MEI4: variants seen among roughly 807,000 people sequenced by gnomAD.
MEI4 encodes meiotic double-stranded break formation protein 4, also known as meiosis-specific protein MEI4.
Under a neutral mutation model 31.4 loss-of-function variants are expected in MEI4, and 27 were observed. The ratio of observed to expected loss-of-function variants is 0.86; its 90% confidence interval spans 0.63 to 1.19. MEI4 has a LOEUF of 1.19. Ranked by LOEUF, MEI4 falls within the 50% of genes most tolerant of loss-of-function variation. MEI4 has a pLI of 0.00. For synonymous variants in MEI4, 122 were observed against 145.4 expected, an observed-to-expected ratio of 0.84 and a Z score of 1.16; for missense variants, 329 against 398.9, an observed-to-expected ratio of 0.82 and a Z score of 1.49.
At chr6:77,842,752 ATCATTGCAGGTG>A (rs1241358114) in intron 4 of MEI4, among the ~76,000 whole-genome samples, 4 of 152,080 alleles carry the variant, frequency 2.6e-5, no homozygotes, top group African/African-American at 9.7e-5. Context: ...GGAAGTGGAC[ATCATTGCAGGTG>A]TTAAGAGGAT....
At chr6:77,912,387 G>A (rs888103164) in intron 4 of MEI4, among the ~76,000 whole-genome samples, 1 of 151,942 alleles carries the variant, frequency 6.6e-6, no homozygotes, top group Non-Finnish European at 1.5e-5. Context: ...AAAAAGGATT[G>A]TATTGAATCT....
At chr6:77,823,020 A>G (rs1207198543) in intron 3 of MEI4, among the ~76,000 whole-genome samples, 2 of 152,264 alleles carry the variant, frequency 1.3e-5, no homozygotes, top group Non-Finnish European at 2.9e-5. Context: ...ATGACATTCA[A>G]TATTTGCTGT....
At chr6:77,916,571 T>C (rs990399116) in intron 4 of MEI4, among the ~76,000 whole-genome samples, 3 of 152,092 alleles carry the variant, frequency 2.0e-5, no homozygotes, top group Non-Finnish European at 4.4e-5. Context: ...ATTTCCTCCA[T>C]GGCTTTACCT....
intron 3 of MEI4, among the ~76,000 whole-genome samples, chr6:77,765,329 G>A (rs1582118166): frequency 6.6e-6 from 1 of 151,328 alleles, no homozygotes; most frequent in East Asian, 1.9e-4. Context: ...TTTTTGAATT[G>A]AAAATAAGAT....
chr6:77,919,641 C>T (rs1218654810), intron 4 of MEI4, among the ~76,000 whole-genome samples: 2 of 150,516 alleles, frequency 1.3e-5, no homozygotes, highest in Admixed American at 6.6e-5. Context: ...CAAGAAATAA[C>T]TAAAATCAGA....
intron 4 of MEI4, among the ~76,000 whole-genome samples, chr6:77,854,836 T>C (rs1343731651): frequency 1.3e-5 from 2 of 152,108 alleles, no homozygotes; most frequent in African/African-American, 4.8e-5. Flanking sequence ...TAGGTATCAT[T>C]TCCTCTGTTT....
chr6:77,771,504 A>G (rs1768318241), intron 3 of MEI4, among the ~76,000 whole-genome samples: 1 of 152,176 alleles, frequency 6.6e-6, no homozygotes, highest in African/African-American at 2.4e-5. Context: ...TCATTGTAGC[A>G]CTATTCACAG....
At chr6:77,832,073 C>T (rs1240604428) in intron 4 of MEI4, among the ~76,000 whole-genome samples, 2 of 151,930 alleles carry the variant, frequency 1.3e-5, no homozygotes, top group East Asian at 3.9e-4. Flanking sequence ...AAAAATGCAT[C>T]AAAATATCCA....
Position 77,907,140 on chromosome 6 carries a change from A to C in MEI4, c.901-15949A>C, listed in dbSNP as rs1445291715. On this transcript the variant is annotated intron_variant, in intron 4 of 4. Transcript: ENST00000684080. ...ATGGGAGAATATTGAATTACTAGCC[A>C]TTTTTTTTAAATATACTTTGAGTTT... is the stretch of plus-strand genomic sequence containing the variant. Among the ~76,000 whole-genome samples, 3 of 151,584 alleles carry C rather than the reference A, an allele frequency of 2.0e-5. No homozygotes were observed. In the East Asian group the frequency reaches 5.8e-4, roughly 29 times the overall value.
intron 2 of MEI4, among the ~76,000 whole-genome samples, chr6:77,698,909 C>A (rs1324532719): frequency 1.3e-5 from 2 of 152,176 alleles, no homozygotes; most frequent in African/African-American, 4.8e-5. Flanking sequence ...GTACACCAAT[C>A]AGACGTAGAT....
At chr6:77,706,589 A>G (rs1043313838) in intron 2 of MEI4, among the ~76,000 whole-genome samples, 1 of 152,146 alleles carries the variant, frequency 6.6e-6, no homozygotes, top group Non-Finnish European at 1.5e-5. Flanking sequence ...ATGTTTTGTC[A>G]CCTTCAAATC....
intron 4 of MEI4, among the ~76,000 whole-genome samples, chr6:77,895,159 T>A (rs1472854320): frequency 1.3e-5 from 2 of 152,140 alleles, no homozygotes; most frequent in Non-Finnish European, 2.9e-5. Context: ...CTTTCAGAGA[T>A]GTAAGTATAA....
intron 2 of MEI4, among the ~76,000 whole-genome samples, chr6:77,713,283 CAAAT>C (rs1561954988): frequency 6.6e-6 from 1 of 152,148 alleles, no homozygotes; most frequent in Non-Finnish European, 1.5e-5. Flanking sequence ...ACATAGGCAA[CAAAT>C]AAATACTAGC....
intron 1 of MEI4, among the ~76,000 whole-genome samples, chr6:77,685,298 G>C (rs932062889): frequency 6.7e-6 from 1 of 150,100 alleles, no homozygotes; most frequent in African/African-American, 2.4e-5. Context: ...TCCATTCTCT[G>C]GGTTGTCCCT....
At chr6:77,658,904 T>C (rs1418775176) in intron 1 of MEI4, among the ~76,000 whole-genome samples, 38 of 152,178 alleles carry the variant, frequency 2.5e-4, no homozygotes, top group Admixed American at 2.5e-3. Context: ...TTTTTTATGT[T>C]GTCATACACC....
chr6:77,680,211 G>A (rs1409467993), intron 1 of MEI4, among the ~76,000 whole-genome samples: 2 of 150,792 alleles, frequency 1.3e-5, no homozygotes, highest in South Asian at 2.1e-4. Flanking sequence ...CCTGGGAGGC[G>A]GAGCTTGCAG....
At chr6:77,716,863 A>C (rs1766592268) in intron 2 of MEI4, 1 of 983,858 alleles carries the variant, frequency 1.0e-6, no homozygotes, top group Admixed American at 6.1e-5. Context: ...GATGTCAAGC[A>C]AGGTAGAAAA....
intron 4 of MEI4, among the ~76,000 whole-genome samples, chr6:77,917,858 A>G (rs983868049): frequency 3.4e-5 from 5 of 147,492 alleles, no homozygotes; most frequent in East Asian, 2.0e-4. Flanking sequence ...TATGTCCTGA[A>G]TGGTAATGCC....
At chr6:77,736,125 G>T (rs1306996129) in intron 2 of MEI4, among the ~76,000 whole-genome samples, 1 of 152,100 alleles carries the variant, frequency 6.6e-6, no homozygotes, top group Non-Finnish European at 1.5e-5. Context: ...AGCCTACAGA[G>T]GCAGGCAGGC....
Sources: gnomAD v4.1 joint callset for allele counts (sites outside exome capture counted in the v4.1 genomes callset) on GRCh38, gnomAD v4.1.1 for gene constraint, MANE v1.5 for transcripts, NCBI Gene and HGNC (gene_info 2026-07-23, HGNC 2026-07-21) for gene names.